The following PCDHGA4 variants were observed in gnomAD, a reference collection of about 807,000 sequenced individuals.
PCDHGA4 encodes protocadherin gamma subfamily A, 4.
In PCDHGA4, 38 loss-of-function variants were observed where a neutral mutation model predicts 54.6. The ratio of observed to expected loss-of-function variants is 0.70; its 90% CI spans 0.54 to 0.91. The LOEUF is 0.91. Ranked by LOEUF, PCDHGA4 falls within the 40% of genes least tolerant of loss-of-function variation. The pLI is 0.00. For synonymous variants in PCDHGA4, 511 were observed against 512.9 expected (o/e 1.00, Z 0.05); for missense variants, 1,298 against 1,220.9 (o/e 1.06, Z -0.94).
At chr5:141,359,942 T>C (rs1471102697) in intron 1 of PCDHGA4, 6 of 497,370 alleles carry the variant, frequency 1.2e-5, no homozygotes, top group Non-Finnish European at 2.0e-5. Flanking sequence ...AGCGTCGCTG[T>C]TGGTCAAAAG....
intron 1 of PCDHGA4, among the ~76,000 whole-genome samples, chr5:141,425,036 G>A (rs574813328): frequency 1.3e-5 from 2 of 152,238 alleles, no homozygotes; most frequent in East Asian, 3.9e-4. Context: ...GTCATTAGTT[G>A]TAAACTGACT....
At chr5:141,410,005 C>T (rs1009148964) in intron 1 of PCDHGA4, 16 of 1,613,172 alleles carry the variant, frequency 9.9e-6, no homozygotes, top group Non-Finnish European at 1.3e-5. Context: ...CGGGACACAA[C>T]GCCTGGCTGT....
rs969397099 is a variant in PCDHGA4, at chr5:141,477,807, C to T, written c.2515-17000C>T. 6.2e-6 allele frequency: 10 copies of T among 1,613,932 alleles called. No homozygotes were observed. Among genetic ancestry groups the T allele is most frequent in the African/African-American group, 1.3e-5 (1 of 74,922 alleles). ...TTTGTCACTGATCGCAATGACAATG[C>T]CCCCCAGGTCCTATATCCTCGGCCA... is the stretch of plus-strand genomic sequence containing the variant. On this transcript the variant is annotated intron_variant, in intron 1 of 3. Transcript: ENST00000571252. The surrounding 1 kb of genome is among the most constrained non-coding windows in gnomAD (Gnocchi z 4.9).
In PCDHGA4 at chr5:141,449,878, A is replaced by G. The variant is rs536474516; in HGVS notation, c.2515-44929A>G. On this transcript the variant is annotated intron_variant, in intron 1 of 3. Transcript: ENST00000571252. ...ATAAAAATCAGAAAATTTAACATCA[A>G]TGCAATATAATTATTTAGCCTATAG... 6.6e-4 allele frequency among the ~76,000 whole-genome samples: 100 copies of G among 152,050 alleles called. 1 individual carries two copies. The highest frequency in any genetic ancestry group is 2.4e-3 in the African/African-American group (99 of 41,574).
intron 1 of PCDHGA4, among the ~76,000 whole-genome samples, chr5:141,480,730 G>T (rs1261461187): frequency 6.6e-6 from 1 of 152,168 alleles, no homozygotes; most frequent in Non-Finnish European, 1.5e-5. Flanking sequence ...GTCTCTGGGG[G>T]TGGGACATAG....
intron 1 of PCDHGA4, chr5:141,382,604 A>G (rs746848430): frequency 2.6e-5 from 7 of 268,716 alleles, no homozygotes; most frequent in Non-Finnish European, 3.5e-5. Flanking sequence ...ACAATTTTCT[A>G]TGAAATCAGT....
At chr5:141,409,618 G>T (rs374484255) in intron 1 of PCDHGA4, 77 of 1,613,776 alleles carry the variant, frequency 4.8e-5, no homozygotes, top group Non-Finnish European at 6.3e-5. Context: ...CCTCCATTGC[G>T]CAAGTGAGCG....
chr5:141,390,041 C>T (rs373243233), intron 1 of PCDHGA4: 2 of 1,614,058 alleles, frequency 1.2e-6, no homozygotes, highest in Non-Finnish European at 1.7e-6. Context: ...CCTCCAGCCC[C>T]GCCTCCTGGA....
chr5:141,398,740 CAG>C (rs759927246), intron 1 of PCDHGA4: 11 of 1,613,746 alleles, frequency 6.8e-6, no homozygotes, highest in Non-Finnish European at 1.7e-6. Context: ...CCGGGAACAA[CAG>C]AGTTACCATC....
chr5:141,376,421 A>C (rs765897100), intron 1 of PCDHGA4: 1 of 1,614,248 alleles, frequency 6.2e-7, no homozygotes, highest in Non-Finnish European at 8.5e-7. Flanking sequence ...CGACACGCTT[A>C]TCAACCAGGA....
rs770788893 is a variant in PCDHGA4 at position 141,403,151 on chromosome 5, G to T, written c.2514+45530G>T. On this transcript the variant is annotated intron_variant, in intron 1 of 3. Coordinates refer to ENST00000571252, the MANE Select transcript of PCDHGA4 (RefSeq NM_018917.4). ...GCTGGCGGAGCGCCGAGTCCGCATC[G>T]TCTCTAGAGGTAGGACGCAGCTTTT... 1.3e-5 allele frequency: 21 copies of T among 1,613,914 alleles called. No individual in the cohort carries two copies. In the Admixed American group the frequency reaches 3.5e-4, roughly 27 times the overall value.
At chr5:141,505,245 A>G (rs530515894) in intron 2 of PCDHGA4, 148 bp from the exon 3 acceptor site, 294 of 1,430,832 alleles carry the variant, frequency 2.1e-4, no homozygotes, top group Admixed American at 1.8e-3. Flanking sequence ...GAAGGATTGT[A>G]GAAGTGCCTC....
intron 3 of PCDHGA4, among the ~76,000 whole-genome samples, chr5:141,508,439 T>C (rs1037512760): frequency 1.3e-5 from 2 of 152,188 alleles, no homozygotes; most frequent in African/African-American, 4.8e-5. Flanking sequence ...ACACAGTTCC[T>C]TAGTGGCAGA....
chr5:141,477,275 G>C lies in PCDHGA4; in HGVS notation c.2515-17532G>C, dbSNP rs1241603826. On this transcript the variant is annotated intron_variant, in intron 1 of 3. Transcript: ENST00000571252. This position sits in a 1 kb window ranked among gnomAD's most constrained non-coding sequence, Gnocchi z 4.9. ...CCTGGATGCTGGCGAGAACGGGCTG[G>C]TGACCTGCGAAGTTCCACCGGGTCT... The C allele has an allele frequency of 2.5e-6, 4 of 1,614,198 alleles. No individual in the cohort carries two copies. The South Asian group carries it at 4.4e-5, about 18-fold the overall frequency.
Position 141,427,790 on chromosome 5 carries a change from C to T in PCDHGA4, c.2515-67017C>T, listed in dbSNP as rs1212280689. ...TGGAGCTGCGGGCACTGTCGTCCTACGTGTCCGTGAGCGCACAGAGCGGGG... is the reference window on the plus strand; with the variant it reads ...TGGAGCTGCGGGCACTGTCGTCCTATGTGTCCGTGAGCGCACAGAGCGGGG... On this transcript the variant is annotated intron_variant, in intron 1 of 3. Transcript: ENST00000571252. 2.0e-6 allele frequency: 3 copies of T among 1,482,108 alleles called. No homozygotes were observed. The Admixed American group carries it at 5.0e-5, about 25-fold the overall frequency. 91.8% of individuals were successfully genotyped at this position (1,482,108 alleles called of 1,614,324 possible).
intron 1 of PCDHGA4, chr5:141,408,161 C>T: frequency 2.0e-6 from 3 of 1,517,698 alleles, no homozygotes; most frequent in Non-Finnish European, 2.7e-6. Context: ...TGCACTTTCT[C>T]CAACTGGAAA....
rs370630847 is a variant in PCDHGA4 at position 141,357,369 on chromosome 5, C to A, written c.2262C>A (p.Arg754=). 1.1e-5 allele frequency: 18 copies of A among 1,614,182 alleles called. No individual in the cohort carries two copies. Among genetic ancestry groups the A allele is most frequent in the Non-Finnish European group, 1.4e-5 (16 of 1,180,006 alleles). ...AGCTGAGACGCTGGCACAAGTCACG[C>A]CTGCTTCACGCTGAAGGCAGCAGGT... The part of the protein sequence containing the change: ...ALKLRRWHKS[R]LLHAEGSRLA... The change falls in exon 1 of 4, where the codon CGC becomes CGA. Residue 754 remains arginine (R), a synonymous_variant. Transcript: ENST00000571252.
At chr5:141,371,549 A>G in intron 1 of PCDHGA4, 1 of 1,613,886 alleles carries the variant, frequency 6.2e-7, no homozygotes, top group Non-Finnish European at 8.5e-7. Flanking sequence ...TCCTATGCCA[A>G]CTAAAAGGAA....
At chr5:141,372,583 G>A (rs1768892423) in intron 1 of PCDHGA4, 2 of 1,613,908 alleles carry the variant, frequency 1.2e-6, no homozygotes, top group Admixed American at 1.7e-5. Flanking sequence ...TTTCAGCCTG[G>A]TGTCTGCTTC....
Sources: gnomAD v4.1 joint callset for allele counts (sites outside exome capture counted in the v4.1 genomes callset) on GRCh38, gnomAD v4.1.1 for gene constraint, Gnocchi (gnomAD v3.1) non-coding constraint, MANE v1.5 for transcripts, NCBI Gene and HGNC (gene_info 2026-07-23, HGNC 2026-07-21) for gene names.